PPP1R9A: variants seen among roughly 807,000 people sequenced by gnomAD.
The protein encoded by PPP1R9A is neurabin-1.
A neutral mutation model predicts 141.9 loss-of-function variants in PPP1R9A; 59 were observed. The observed-to-expected ratio is 0.42, with a 90% CI of 0.34 to 0.52. The LOEUF is 0.52. Ranked by LOEUF, PPP1R9A falls within the 20% of genes least tolerant of loss-of-function variation. The pLI is 0.10. For missense variants in PPP1R9A, 1,444 were observed against 1,611.9 expected (o/e 0.90, Z 1.78); for synonymous variants, 500 against 569.7 (o/e 0.88, Z 1.74).
At chr7:94,949,863 TC>T (rs1220464039) in intron 2 of PPP1R9A, among the ~76,000 whole-genome samples, 1 of 152,010 alleles carries the variant, frequency 6.6e-6, no homozygotes, top group Non-Finnish European at 1.5e-5. Flanking sequence ...CCAAAATGGT[TC>T]ATGCTTCAAA....
At chr7:95,233,297 C>T (rs896548975) in intron 8 of PPP1R9A, among the ~76,000 whole-genome samples, 4 of 151,782 alleles carry the variant, frequency 2.6e-5, no homozygotes, top group Admixed American at 6.6e-5. Flanking sequence ...CATGTTCTCA[C>T]TCATAAGTGG....
intron 2 of PPP1R9A, among the ~76,000 whole-genome samples, chr7:94,968,088 G>C (rs989856606): frequency 1.7e-4 from 25 of 150,898 alleles, no homozygotes; most frequent in African/African-American, 5.5e-4. Flanking sequence ...ATGAATCTGG[G>C]TGCTCCTGTA....
intron 2 of PPP1R9A, among the ~76,000 whole-genome samples, chr7:95,085,422 T>G (rs971106707): frequency 2.6e-5 from 1 of 38,228 alleles, no homozygotes; most frequent in African/African-American, 1.2e-4. Flanking sequence ...AAATTTTTGG[T>G]TTTTTTTTTT....
At chr7:95,254,405 A>G (rs1450521201) in intron 12 of PPP1R9A, among the ~76,000 whole-genome samples, 2 of 152,196 alleles carry the variant, frequency 1.3e-5, no homozygotes, top group African/African-American at 2.4e-5. Flanking sequence ...CTGAAATACT[A>G]GAGGTTTAGA....
At chr7:94,965,258 ATTCTATAGGTTGCCTG>A (rs1798076129) in intron 2 of PPP1R9A, among the ~76,000 whole-genome samples, 1 of 151,726 alleles carries the variant, frequency 6.6e-6, no homozygotes. Context: ...ATTTTCTCCC[ATTCTATAGGTTGCCTG>A]TTCACTCTGG....
At chr7:94,963,250 C>G (rs1797830878) in intron 2 of PPP1R9A, among the ~76,000 whole-genome samples, 1 of 152,074 alleles carries the variant, frequency 6.6e-6, no homozygotes, top group African/African-American at 2.4e-5. Flanking sequence ...CCACACTTAA[C>G]TTGGATTGGT....
At chr7:94,971,942 G>A (rs1290840263) in intron 2 of PPP1R9A, among the ~76,000 whole-genome samples, 1 of 152,192 alleles carries the variant, frequency 6.6e-6, no homozygotes, top group East Asian at 1.9e-4. Context: ...AAAGCTTTGT[G>A]TTGAAGAAGG....
chr7:95,136,988 G>T (rs571135321), intron 4 of PPP1R9A, among the ~76,000 whole-genome samples: 1 of 152,262 alleles, frequency 6.6e-6, no homozygotes, highest in East Asian at 1.9e-4. Flanking sequence ...ACTTCAAAGA[G>T]AAGTTATTTG....
At chr7:94,997,160 A>AT (rs758373393) in intron 2 of PPP1R9A, among the ~76,000 whole-genome samples, 3 of 151,926 alleles carry the variant, frequency 2.0e-5, no homozygotes, top group Non-Finnish European at 4.4e-5. Flanking sequence ...TATATCTTCC[A>AT]TTTTTTAAAT....
intron 7 of PPP1R9A, among the ~76,000 whole-genome samples, chr7:95,223,363 A>G (rs969980406): frequency 2.0e-5 from 3 of 152,064 alleles, no homozygotes; most frequent in Non-Finnish European, 2.9e-5. Context: ...TAAGAATTGC[A>G]TATGTTATGC....
In PPP1R9A at chr7:95,284,177, T is replaced by G. The variant is rs770006835; in HGVS notation, c.3456T>G (p.Pro1152=). ...NLPAPTSSLQ[P]SPETLISDKK... Reference sequence around the variant, plus strand: ...CTGCGCCTACAAGTTCCCTTCAGCCTTCTCCTGAGACTCTAATTTCAGATA... The same window carrying G: ...CTGCGCCTACAAGTTCCCTTCAGCCGTCTCCTGAGACTCTAATTTCAGATA... The change falls in exon 17 of 20, where the codon CCT becomes CCG. Residue 1152 remains proline, a synonymous_variant. Transcript: ENST00000433360. 3 of 1,585,902 alleles carry G rather than the reference T, an allele frequency of 1.9e-6. No individual in the cohort carries two copies. In the Admixed American group the frequency reaches 5.0e-5, roughly 26 times the overall value.
chr7:95,269,401 T>C lies in PPP1R9A; in HGVS notation c.3018T>C (p.Ser1006=). 2 of 1,595,584 alleles carry C rather than the reference T, an allele frequency of 1.3e-6. No individual in the cohort carries two copies. The highest frequency in any genetic ancestry group is 1.7e-6 in the Non-Finnish European group (2 of 1,176,630). ...ACCCAGAAATGGGGCCTCTCTCCTCTATGTGGGGAGACACTTCACTGTTTT... is the reference window on the plus strand; with the variant it reads ...ACCCAGAAATGGGGCCTCTCTCCTCCATGTGGGGAGACACTTCACTGTTTT... ...PLDPEMGPLS[S]MWGDTSLFST... Residue 1006 remains serine, a synonymous_variant, in exon 14 of 20, where the codon TCT becomes TCC. Coordinates refer to ENST00000433360, the MANE Select transcript of PPP1R9A (RefSeq NM_001166160.2).
chr7:94,949,083 A>G (rs536329202), intron 2 of PPP1R9A, among the ~76,000 whole-genome samples: 32 of 152,282 alleles, frequency 2.1e-4, no homozygotes, highest in African/African-American at 7.5e-4. Flanking sequence ...GAATGGTAAG[A>G]AAATACTTTT....
At chr7:95,144,334 G>A in intron 4 of PPP1R9A, among the ~76,000 whole-genome samples, 1 of 151,906 alleles carries the variant, frequency 6.6e-6, no homozygotes, top group East Asian at 1.9e-4. Context: ...CTTTTTTAAG[G>A]CTGAATAATA....
At chr7:95,069,978 C>A (rs1813530627) in intron 2 of PPP1R9A, among the ~76,000 whole-genome samples, 1 of 152,132 alleles carries the variant, frequency 6.6e-6, no homozygotes, top group African/African-American at 2.4e-5. Context: ...ACTCTTTGAG[C>A]CTACAACCAT....
intron 4 of PPP1R9A, among the ~76,000 whole-genome samples, chr7:95,132,791 A>G (rs1455208004): frequency 1.3e-5 from 2 of 152,130 alleles, no homozygotes; most frequent in Non-Finnish European, 2.9e-5. Flanking sequence ...GTGTGCAGCA[A>G]CCTGCTTCGG....
intron 8 of PPP1R9A, among the ~76,000 whole-genome samples, chr7:95,237,079 A>T (rs1349739373): frequency 1.3e-5 from 2 of 151,354 alleles, no homozygotes. Context: ...AGCTTGATAC[A>T]TAAACAGTTT....
At chr7:95,181,524 T>A (rs1833806192) in intron 5 of PPP1R9A, among the ~76,000 whole-genome samples, 2 of 137,386 alleles carry the variant, frequency 1.5e-5, no homozygotes, top group South Asian at 4.6e-4. Flanking sequence ...ATATATTCCA[T>A]CATATATATA....
intron 2 of PPP1R9A, among the ~76,000 whole-genome samples, chr7:94,969,417 G>C (rs1034983397): frequency 2.0e-5 from 3 of 152,110 alleles, no homozygotes; most frequent in African/African-American, 7.2e-5. Flanking sequence ...CTGCAGGTCT[G>C]CTGGGGTTTG....
Sources: allele counts gnomAD v4.1 joint callset (sites outside exome capture counted in the v4.1 genomes callset), GRCh38; gene constraint gnomAD v4.1.1; transcripts MANE v1.5; gene names NCBI Gene and HGNC (gene_info 2026-07-23, HGNC 2026-07-21).